Variants in KAZN observed in about 807,000 individuals in gnomAD.
KAZN encodes kazrin.
Under a neutral mutation model 87.4 loss-of-function variants are expected in KAZN, and 40 were observed. The observed-to-expected ratio is 0.46, with a 90% CI of 0.36 to 0.60. KAZN has a LOEUF of 0.60. Ranked by LOEUF, KAZN falls within the 20% of genes least tolerant of loss-of-function variation. KAZN has a pLI of 0.00. For missense variants in KAZN, 898 were observed against 1,073.9 expected (o/e 0.84, Z 2.29); for synonymous variants, 466 against 458.3 (o/e 1.02, Z -0.22).
rs941534203 is a variant in KAZN, at chr1:14,421,506, T to C, written c.250-177477T>C. Among the ~76,000 whole-genome samples, 9 of 152,114 alleles carry C rather than the reference T, an allele frequency of 5.9e-5. 1 individual carries two copies. The highest frequency in any genetic ancestry group is 2.2e-4 in the African/African-American group (9 of 41,410). On this transcript the variant is annotated intron_variant, in intron 2 of 16. Coordinates refer to the KAZN transcript ENST00000636203. ...CCCATAAAGACCCTACTATGCACAG[T>C]TGATTGTTCCCTTAATGTTACCACA... is the stretch of plus-strand genomic sequence containing the variant.
intron 1 of KAZN, among the ~76,000 whole-genome samples, chr1:14,715,682 T>C (rs1642756436): frequency 6.6e-6 from 1 of 152,208 alleles, no homozygotes; most frequent in African/African-American, 2.4e-5. Context: ...TCCTTTACCC[T>C]GAAAGTCTCT....
At position 14,906,028 on chromosome 1, in the gene KAZN, A is replaced by G. The variant is rs180989417; in HGVS notation, c.227-54656A>G. ...CTAAAAATACAAAAATTAGCTGGGT[A>G]TGGTGGCACATGCCTGTAATCCCAG... is the stretch of plus-strand genomic sequence containing the variant. On this transcript the variant is annotated intron_variant, in intron 1 of 14. Transcript: ENST00000376030. Among the ~76,000 whole-genome samples the G allele has an allele frequency of 1.6e-3, 236 of 151,728 alleles. 2 individuals are homozygous for G. Among genetic ancestry groups the G allele is most frequent in the Non-Finnish European group, 4.7e-4 (32 of 67,946 alleles).
At chr1:13,958,234 A>T (rs543939399) in intron 1 of KAZN, among the ~76,000 whole-genome samples, 11 of 152,304 alleles carry the variant, frequency 7.2e-5, no homozygotes, top group Admixed American at 3.3e-4. Flanking sequence ...GCTAATTTTT[A>T]AAAAATTTAG....
intron 1 of KAZN, among the ~76,000 whole-genome samples, chr1:14,056,001 C>T (rs544418711): frequency 6.6e-6 from 1 of 152,266 alleles, no homozygotes; most frequent in South Asian, 2.1e-4. Context: ...CTTATCACCA[C>T]CTTAATCTGA....
At position 15,094,163 on chromosome 1, in the gene KAZN, G is replaced by A. The variant is rs368506343; in HGVS notation, c.1223-17G>A. Reference sequence around the variant, plus strand: ...GCAGCCTCGTCCCCCAGCATGGCCTGCACTTGTGTGTTGCAGACTCGGACA... The same window carrying A: ...GCAGCCTCGTCCCCCAGCATGGCCTACACTTGTGTGTTGCAGACTCGGACA... On this transcript the variant is annotated splice_polypyrimidine_tract_variant and intron_variant, in intron 8 of 14. Transcript: ENST00000376030. The surrounding 1 kb of genome is among the most constrained non-coding windows in gnomAD (Gnocchi z 4.5). 1 of 1,610,808 alleles carries A rather than the reference G, an allele frequency of 6.2e-7. No individual in the cohort carries two copies. Among genetic ancestry groups the A allele is most frequent in the African/African-American group, 1.3e-5 (1 of 74,880 alleles).
chr1:15,046,597 C>T (rs1034913856), intron 4 of KAZN, among the ~76,000 whole-genome samples: 1 of 152,288 alleles, frequency 6.6e-6, no homozygotes, highest in East Asian at 1.9e-4. Flanking sequence ...TGGCACCGGG[C>T]CTGGATTCCT....
At chr1:14,579,594 C>T (rs1675409438) in intron 2 of KAZN, among the ~76,000 whole-genome samples, 1 of 150,074 alleles carries the variant, frequency 6.7e-6, no homozygotes, top group East Asian at 2.0e-4. Context: ...CACTGCACTG[C>T]AGCCTGGGCA....
intron 1 of KAZN, among the ~76,000 whole-genome samples, chr1:14,022,515 GAAA>G (rs1311797381): frequency 1.1e-5 from 1 of 87,840 alleles, no homozygotes; most frequent in East Asian, 3.4e-4. Flanking sequence ...AAAAAAAAAA[GAAA>G]AAAAGAAAAA....
At chr1:14,638,581 A>AAAAAAAAAAAAAAAAAAAAAAAAC (rs1553201086) in intron 1 of KAZN, among the ~76,000 whole-genome samples, 8 of 39,638 alleles carry the variant, frequency 2.0e-4, no homozygotes, top group Admixed American at 3.2e-4. Context: ...AAAAAAAACA[A>AAAAAAAAAAAAAAAAAAAAAAAAC]AAAAAAAAAA....
intron 1 of KAZN, among the ~76,000 whole-genome samples, chr1:14,955,729 A>G (rs1430389532): frequency 1.3e-5 from 2 of 152,224 alleles, no homozygotes; most frequent in Admixed American, 1.3e-4. Flanking sequence ...TCAAAGAGAA[A>G]GGCACATGGC....
chr1:14,834,081 G>T (rs770081419), intron 1 of KAZN, among the ~76,000 whole-genome samples: 1 of 151,850 alleles, frequency 6.6e-6, no homozygotes, highest in African/African-American at 2.4e-5. Flanking sequence ...TGTCACCCAG[G>T]CTGGAGTGTA....
intron 1 of KAZN, among the ~76,000 whole-genome samples, chr1:13,972,456 T>C (rs1226744397): frequency 6.6e-6 from 1 of 152,144 alleles, no homozygotes; most frequent in Non-Finnish European, 1.5e-5. Context: ...TGTCTGTCAG[T>C]TGCTATGAGC....
At chr1:14,620,341 T>C (rs1171137786) in intron 1 of KAZN, among the ~76,000 whole-genome samples, 2 of 152,258 alleles carry the variant, frequency 1.3e-5, no homozygotes, top group African/African-American at 4.8e-5. Flanking sequence ...AATGCGTTCA[T>C]TCACACAAGG....
chr1:14,399,813 A>G (rs531027402), intron 2 of KAZN, among the ~76,000 whole-genome samples: 3 of 146,432 alleles, frequency 2.0e-5, no homozygotes, highest in South Asian at 4.3e-4. Context: ...CTACTCATCA[A>G]TTACCTCTTC....
chr1:15,017,666 T>C (rs1670259811), intron 2 of KAZN, among the ~76,000 whole-genome samples: 3 of 152,146 alleles, frequency 2.0e-5, no homozygotes, highest in Non-Finnish European at 4.4e-5. Context: ...TAGCCGGGCA[T>C]GGTGGTGGGC....
intron 2 of KAZN, among the ~76,000 whole-genome samples, chr1:14,484,330 GA>G (rs1418009949): frequency 6.6e-6 from 1 of 152,086 alleles, no homozygotes; most frequent in Non-Finnish European, 1.5e-5. Context: ...AAATTGCTAA[GA>G]AAGCAGATTT....
chr1:14,819,726 GAGA>G (rs1646682288), intron 1 of KAZN, among the ~76,000 whole-genome samples: 2 of 34,968 alleles, frequency 5.7e-5, no homozygotes, highest in Non-Finnish European at 1.1e-4. Context: ...TTTTTTTTTT[GAGA>G]AGGAGTCTCA....
chr1:14,417,486 G>A (rs1048749450), intron 2 of KAZN, among the ~76,000 whole-genome samples: 1 of 152,162 alleles, frequency 6.6e-6, no homozygotes, highest in Non-Finnish European at 1.5e-5. Flanking sequence ...AGTCTACAAT[G>A]TATTTGTCCA....
intron 2 of KAZN, among the ~76,000 whole-genome samples, chr1:14,215,710 G>A (rs531076620): frequency 6.6e-6 from 1 of 152,258 alleles, no homozygotes; most frequent in African/African-American, 2.4e-5. Context: ...CTACAGAAAA[G>A]CTTATTCAAG....
Sources: allele counts gnomAD v4.1 joint callset (sites outside exome capture counted in the v4.1 genomes callset), GRCh38; gene constraint gnomAD v4.1.1; non-coding constraint Gnocchi (gnomAD v3.1); transcripts MANE v1.5; gene names NCBI Gene and HGNC (gene_info 2026-07-23, HGNC 2026-07-21).